Variants in GRM7 observed in about 807,000 individuals in gnomAD.
GRM7 encodes glutamate metabotropic receptor 7, also known as metabotropic glutamate receptor 7.
GRM7 carries 35 observed loss-of-function variants against 84.5 expected under a neutral mutation model. The observed-to-expected ratio is 0.41, with a 90% CI of 0.32 to 0.55. GRM7 has a LOEUF of 0.55. Ranked by LOEUF, GRM7 falls within the 20% of genes least tolerant of loss-of-function variation. The pLI, the probability that GRM7 is intolerant of heterozygous loss-of-function variation, is 0.19. For missense variants in GRM7, 1,003 were observed against 1,194.6 expected (o/e 0.84, Z 2.36); for synonymous variants, 487 against 455.1 (o/e 1.07, Z -0.89).
chr3:7,178,221 C>A (rs1038975486), intron 2 of GRM7, among the ~76,000 whole-genome samples: 1 of 152,190 alleles, frequency 6.6e-6, no homozygotes, highest in Non-Finnish European at 1.5e-5. Context: ...AATTAAATTA[C>A]TCTGAAAGTA....
chr3:7,262,321 T>A (rs1243652351), intron 2 of GRM7, among the ~76,000 whole-genome samples: 1 of 152,156 alleles, frequency 6.6e-6, no homozygotes, highest in Non-Finnish European at 1.5e-5. Context: ...TTAAAATTCA[T>A]GTTTGACTGT....
intron 1 of GRM7, among the ~76,000 whole-genome samples, chr3:6,970,053 A>G (rs940389908): frequency 6.6e-6 from 1 of 152,194 alleles, no homozygotes; most frequent in Admixed American, 6.5e-5. Flanking sequence ...TGCCTGCACT[A>G]AGTGAACTGG....
intron 2 of GRM7, among the ~76,000 whole-genome samples, chr3:7,257,294 C>T (rs1429290287): frequency 6.6e-6 from 1 of 152,120 alleles, no homozygotes; most frequent in Non-Finnish European, 1.5e-5. Flanking sequence ...CCATTATATC[C>T]TCCAACATCC....
intron 1 of GRM7, among the ~76,000 whole-genome samples, chr3:7,020,865 C>G (rs1019243450): frequency 1.3e-5 from 2 of 152,088 alleles, no homozygotes; most frequent in South Asian, 2.1e-4. Context: ...GTCCAGTTGA[C>G]AGAATGTAGT....
At chr3:7,134,681 A>G (rs1693716693) in intron 1 of GRM7, among the ~76,000 whole-genome samples, 2 of 152,136 alleles carry the variant, frequency 1.3e-5, no homozygotes, top group African/African-American at 4.8e-5. Flanking sequence ...CCTAAACCGC[A>G]GGAATTCAGG....
chr3:6,958,573 T>C (rs1334441039), intron 1 of GRM7, among the ~76,000 whole-genome samples: 5 of 152,162 alleles, frequency 3.3e-5, no homozygotes, highest in Admixed American at 2.6e-4. Flanking sequence ...CATAATTTCA[T>C]TTTCTAAGAC....
chr3:7,161,803 A>T (rs1162133511), intron 2 of GRM7, among the ~76,000 whole-genome samples: 1 of 152,198 alleles, frequency 6.6e-6, no homozygotes, highest in Non-Finnish European at 1.5e-5. Flanking sequence ...TTTAGGTGAG[A>T]TGAACGGGAG....
intron 2 of GRM7, among the ~76,000 whole-genome samples, chr3:7,158,449 A>T (rs986072794): frequency 2.0e-5 from 3 of 151,980 alleles, no homozygotes; most frequent in African/African-American, 7.3e-5. Flanking sequence ...TTGCCTGGTA[A>T]ACCCTCCCCT....
rs1183790004 is a variant in GRM7, at chr3:6,863,095, ACTCT to A, written c.519+1193_519+1196del. On this transcript the variant is annotated intron_variant, in intron 1 of 9. Transcript: ENST00000357716. This position sits in a 1 kb window ranked among gnomAD's most constrained non-coding sequence, Gnocchi z 4.8. The stretch of plus-strand genomic sequence containing the variant: ...CTGTGTCTTTCCCTATATGTGCATC[ACTCT>A]CTCTTTCTGTCTCTGTCTCCTTGCT... The A allele has an allele frequency of 8.4e-6, 3 of 356,642 alleles. No homozygotes were observed. Among genetic ancestry groups the A allele is most frequent in the African/African-American group, 7.4e-5 (3 of 40,578 alleles). The allele number at this position is 356,642 out of a possible 1,614,324, so 22.1% of individuals were successfully genotyped here.
chr3:7,237,619 C>T (rs549270175), intron 2 of GRM7, among the ~76,000 whole-genome samples: 18 of 152,126 alleles, frequency 1.2e-4, no homozygotes, highest in East Asian at 1.9e-4. Flanking sequence ...GGAGTGAAGC[C>T]GCAGACCTTT....
chr3:7,213,337 T>C (rs1424185387), intron 2 of GRM7, among the ~76,000 whole-genome samples: 2 of 152,184 alleles, frequency 1.3e-5, no homozygotes, highest in Admixed American at 6.5e-5. Context: ...CTAAGGAGTA[T>C]ACCACTCATT....
chr3:7,018,163 C>T (rs1425174171), intron 1 of GRM7, among the ~76,000 whole-genome samples: 2 of 152,190 alleles, frequency 1.3e-5, no homozygotes, highest in African/African-American at 4.8e-5. Context: ...ATTACTTTAA[C>T]ATGTGTTCAG....
In GRM7 at chr3:6,863,956, G is replaced by T. The variant is rs1694852208; in HGVS notation, c.519+2049G>T. On this transcript the variant is annotated intron_variant, in intron 1 of 9. Coordinates refer to ENST00000357716, the MANE Select transcript of GRM7 (RefSeq NM_000844.4). The surrounding 1 kb of genome is among the most constrained non-coding windows in gnomAD (Gnocchi z 4.8). ...GTGTTTGCTGAAAAATATTCCAGGG[G>T]GAGCTGATTCCTTCTCTGGTGTGTG... Among the ~76,000 whole-genome samples, 1 of 152,136 alleles carries T rather than the reference G, an allele frequency of 6.6e-6. No individual in the cohort carries two copies. The highest frequency in any genetic ancestry group is 2.4e-5 in the African/African-American group (1 of 41,414).
At chr3:7,077,079 G>T (rs1018922522) in intron 1 of GRM7, among the ~76,000 whole-genome samples, 5 of 152,196 alleles carry the variant, frequency 3.3e-5, no homozygotes, top group Non-Finnish European at 5.9e-5. Context: ...AACAACAGGT[G>T]CTGGAGAGTC....
chr3:7,012,081 A>G (rs1300647027), intron 1 of GRM7, among the ~76,000 whole-genome samples: 4 of 152,148 alleles, frequency 2.6e-5, no homozygotes, highest in African/African-American at 9.7e-5. Context: ...TTTCCCTGTC[A>G]CTAGAGTACC....
chr3:7,218,312 TG>T (rs1383317999), intron 2 of GRM7, among the ~76,000 whole-genome samples: 1 of 152,138 alleles, frequency 6.6e-6, no homozygotes, highest in Non-Finnish European at 1.5e-5. Context: ...AAAACCTGTT[TG>T]GCAATAAAGG....
At chr3:7,703,779 G>A (rs1166115833) in intron 9 of GRM7, among the ~76,000 whole-genome samples, 4 of 152,144 alleles carry the variant, frequency 2.6e-5, no homozygotes, top group Non-Finnish European at 5.9e-5. Flanking sequence ...CAGAAATGGA[G>A]GCTTAGAGAG....
At chr3:7,112,989 CTT>C (rs922654609) in intron 1 of GRM7, among the ~76,000 whole-genome samples, 8 of 152,040 alleles carry the variant, frequency 5.3e-5, no homozygotes, top group Admixed American at 4.6e-4. Context: ...TAGCATCAAA[CTT>C]TTCAAAATGA....
chr3:7,688,628 G>C (rs1030122293), intron 9 of GRM7, among the ~76,000 whole-genome samples: 2 of 152,188 alleles, frequency 1.3e-5, no homozygotes, highest in African/African-American at 2.4e-5. Flanking sequence ...GTAAACTTGG[G>C]AGGGCAATGA....
Sources: gnomAD v4.1 joint callset for allele counts (sites outside exome capture counted in the v4.1 genomes callset) on GRCh38, gnomAD v4.1.1 for gene constraint, Gnocchi (gnomAD v3.1) non-coding constraint, MANE v1.5 for transcripts, NCBI Gene and HGNC (gene_info 2026-07-23, HGNC 2026-07-21) for gene names.